Variants in CLSTN2 observed in about 807,000 individuals in gnomAD.
CLSTN2 encodes the protein calsyntenin-2.
Under a neutral mutation model 101.2 loss-of-function variants are expected in CLSTN2, and 48 were observed. The ratio of observed to expected loss-of-function variants is 0.47; its 90% CI spans 0.38 to 0.60. The LOEUF is 0.60. Among genes scored for constraint, CLSTN2 ranks in the 20% least tolerant of loss-of-function variants. The probability of loss-of-function intolerance (pLI) is 0.00; values close to 1 mark genes in which losing one functional copy is unlikely to be tolerated. For synonymous variants in CLSTN2, 481 were observed against 463.6 expected, an observed-to-expected ratio of 1.04 and a Z score of -0.48; for missense variants, 1,160 against 1,238.2, an observed-to-expected ratio of 0.94 and a Z score of 0.95.
intron 2 of CLSTN2, among the ~76,000 whole-genome samples, chr3:140,201,870 T>G (rs2010721842): frequency 6.6e-6 from 1 of 151,434 alleles, no homozygotes; most frequent in South Asian, 2.1e-4. Context: ...AGATACAAAA[T>G]GAGGAAAAAA....
chr3:139,968,963 C>T (rs373754391), intron 1 of CLSTN2, among the ~76,000 whole-genome samples: 9 of 152,102 alleles, frequency 5.9e-5, no homozygotes, highest in African/African-American at 2.2e-4. Flanking sequence ...TATAGTAGTG[C>T]AGCCTTCAAG....
At chr3:140,417,010 A>T (rs1183871823) in intron 4 of CLSTN2, among the ~76,000 whole-genome samples, 6 of 152,238 alleles carry the variant, frequency 3.9e-5, no homozygotes, top group African/African-American at 1.4e-4. Flanking sequence ...TTGTGTGGGA[A>T]ATTTGGAAAG....
intron 1 of CLSTN2, among the ~76,000 whole-genome samples, chr3:140,144,334 G>A (rs1259402947): frequency 6.6e-6 from 1 of 152,182 alleles, no homozygotes; most frequent in Non-Finnish European, 1.5e-5. Context: ...TGGGCCGGGT[G>A]TGGTGGCTTA....
intron 1 of CLSTN2, among the ~76,000 whole-genome samples, chr3:140,131,516 A>T (rs2009523245): frequency 6.6e-6 from 1 of 152,156 alleles, no homozygotes; most frequent in Non-Finnish European, 1.5e-5. Flanking sequence ...ATTCTGACAG[A>T]GGTTGTCAAG....
At chr3:140,182,210 G>A (rs1265391934) in intron 2 of CLSTN2, among the ~76,000 whole-genome samples, 2 of 151,990 alleles carry the variant, frequency 1.3e-5, no homozygotes, top group Non-Finnish European at 2.9e-5. Context: ...ATTTTATTTA[G>A]GTTATTCTCT....
At chr3:140,427,244 T>TACACAC (rs1553742795) in intron 5 of CLSTN2, among the ~76,000 whole-genome samples, 2 of 127,566 alleles carry the variant, frequency 1.6e-5, no homozygotes, top group African/African-American at 6.9e-5. Context: ...TATATATATA[T>TACACAC]ACATATATAT....
intron 8 of CLSTN2, among the ~76,000 whole-genome samples, chr3:140,496,868 C>T (rs1401773755): frequency 6.6e-6 from 1 of 151,830 alleles, no homozygotes; most frequent in African/African-American, 2.4e-5. Context: ...TTTGGGAGGC[C>T]GAGGCAGGTG....
intron 4 of CLSTN2, among the ~76,000 whole-genome samples, chr3:140,409,913 A>G (rs2088343759): frequency 6.6e-6 from 1 of 152,086 alleles, no homozygotes; most frequent in African/African-American, 2.4e-5. Context: ...TTAAAAATGC[A>G]ATAGAGAGCT....
At chr3:140,554,998 A>T (rs534719496) in intron 10 of CLSTN2, among the ~76,000 whole-genome samples, 1 of 152,392 alleles carries the variant, frequency 6.6e-6, no homozygotes, top group South Asian at 2.1e-4. Context: ...GTTATGCTAC[A>T]GTAACAAATT....
At chr3:140,429,648 G>A (rs983725795) in intron 5 of CLSTN2, among the ~76,000 whole-genome samples, 2 of 152,084 alleles carry the variant, frequency 1.3e-5, no homozygotes, top group East Asian at 1.9e-4. Flanking sequence ...AGGACTCCTC[G>A]GCAAACCACA....
chr3:140,497,585 C>T (rs1449413557), intron 8 of CLSTN2, among the ~76,000 whole-genome samples: 1 of 152,196 alleles, frequency 6.6e-6, no homozygotes, highest in Non-Finnish European at 1.5e-5. Context: ...GGCTGGAATT[C>T]CAAGCCAGTG....
intron 1 of CLSTN2, among the ~76,000 whole-genome samples, chr3:140,105,865 G>A (rs573627180): frequency 7.3e-4 from 111 of 152,300 alleles, no homozygotes; most frequent in African/African-American, 2.5e-3. Flanking sequence ...CAGCACATGG[G>A]ACCCTCTCTG....
intron 1 of CLSTN2, among the ~76,000 whole-genome samples, chr3:140,025,764 G>A (rs545133593): frequency 6.6e-6 from 1 of 152,202 alleles, no homozygotes; most frequent in Non-Finnish European, 1.5e-5. Flanking sequence ...TGAGTGTACT[G>A]CTCTACTGCA....
At chr3:140,522,108 G>C (rs1442879825) in intron 8 of CLSTN2, among the ~76,000 whole-genome samples, 1 of 152,204 alleles carries the variant, frequency 6.6e-6, no homozygotes, top group Non-Finnish European at 1.5e-5. Context: ...GGAGAAGCAT[G>C]GTTTCCTGGG....
At chr3:140,295,726 C>T (rs1017338996) in intron 2 of CLSTN2, among the ~76,000 whole-genome samples, 2 of 152,110 alleles carry the variant, frequency 1.3e-5, no homozygotes, top group African/African-American at 4.8e-5. Flanking sequence ...AAACACCAAA[C>T]TCAGGACGAC....
chr3:140,560,661 A>T (rs1255022215), intron 12 of CLSTN2, among the ~76,000 whole-genome samples: 1 of 152,158 alleles, frequency 6.6e-6, no homozygotes, highest in African/African-American at 2.4e-5. Flanking sequence ...ACACAGTGGG[A>T]ATCAAGGAAC....
At chr3:140,224,073 A>G (rs892272718) in intron 2 of CLSTN2, among the ~76,000 whole-genome samples, 1 of 152,166 alleles carries the variant, frequency 6.6e-6, no homozygotes, top group Non-Finnish European at 1.5e-5. Flanking sequence ...CTTACAGTAT[A>G]GTGAGTGGTC....
At chr3:139,980,351 G>A (rs975861544) in intron 1 of CLSTN2, among the ~76,000 whole-genome samples, 2 of 151,982 alleles carry the variant, frequency 1.3e-5, no homozygotes, top group Non-Finnish European at 2.9e-5. Context: ...GTTCCCTGAT[G>A]GACTTTTACT....
chr3:140,215,834 G>A (rs1254926231), intron 2 of CLSTN2, among the ~76,000 whole-genome samples: 1 of 152,140 alleles, frequency 6.6e-6, no homozygotes, highest in East Asian at 1.9e-4. Flanking sequence ...CTTGACATAT[G>A]GTGAGTACTC....
Sources: gnomAD v4.1 joint callset for allele counts (sites outside exome capture counted in the v4.1 genomes callset) on GRCh38, gnomAD v4.1.1 for gene constraint, MANE v1.5 for transcripts, NCBI Gene and HGNC (gene_info 2026-07-23, HGNC 2026-07-21) for gene names.